The following STX18 variants were observed in gnomAD, a reference collection of about 807,000 sequenced individuals.
The protein encoded by STX18 is syntaxin-18.
STX18 carries 40 observed loss-of-function variants against 50.1 expected under a neutral mutation model. The observed-to-expected ratio is 0.80, with a 90% CI of 0.62 to 1.04. STX18 has a LOEUF of 1.04. Among genes scored for constraint, STX18 ranks in the 50% least tolerant of loss-of-function variants. The pLI, the probability that STX18 is intolerant of heterozygous loss-of-function variation, is 0.00. For synonymous variants in STX18, 158 were observed against 151.8 expected (o/e 1.04, Z -0.30); for missense variants, 410 against 415.8 (o/e 0.99, Z 0.12).
At chr4:4,472,200 T>C (rs2108836779) in intron 1 of STX18, among the ~76,000 whole-genome samples, 1 of 152,342 alleles carries the variant, frequency 6.6e-6, no homozygotes, top group African/African-American at 2.4e-5. Flanking sequence ...CTGTCTTTCC[T>C]ATGGGCTATT....
intron 5 of STX18, among the ~76,000 whole-genome samples, chr4:4,440,781 A>C (rs1410593185): frequency 6.6e-6 from 1 of 152,238 alleles, no homozygotes; most frequent in East Asian, 1.9e-4. Flanking sequence ...AGTCACTGTT[A>C]TCAATCTTTT....
chr4:4,477,058 C>A (rs940890349), intron 1 of STX18, among the ~76,000 whole-genome samples: 35 of 151,674 alleles, frequency 2.3e-4, no homozygotes, highest in Admixed American at 1.1e-3. Flanking sequence ...TTAAAAAAAA[C>A]CAAAAAACCA....
intron 1 of STX18, among the ~76,000 whole-genome samples, chr4:4,472,868 C>T (rs539964991): frequency 2.2e-4 from 34 of 152,312 alleles, no homozygotes; most frequent in South Asian, 1.7e-3. Flanking sequence ...AGTTTGGGTT[C>T]AGCTAAATTT....
intron 5 of STX18, among the ~76,000 whole-genome samples, chr4:4,447,105 A>C (rs1726450761): frequency 6.6e-6 from 1 of 152,214 alleles, no homozygotes; most frequent in Non-Finnish European, 1.5e-5. Flanking sequence ...ATGATTATTA[A>C]ATTTAGCATC....
intron 2 of STX18, among the ~76,000 whole-genome samples, chr4:4,467,763 A>C (rs1727693364): frequency 6.6e-6 from 1 of 151,678 alleles, no homozygotes; most frequent in African/African-American, 2.4e-5. Flanking sequence ...GTGGGAGGGT[A>C]GCTAGGGAGG....
intron 6 of STX18, 41 bp downstream of exon 6, chr4:4,438,353 A>C (rs773063903): frequency 6.8e-7 from 1 of 1,469,982 alleles, no homozygotes; most frequent in East Asian, 2.3e-5. Flanking sequence ...AACATGTCAC[A>C]AGGAAGAAAT....
At chr4:4,539,706 A>G (rs1420706091) in intron 1 of STX18, among the ~76,000 whole-genome samples, 2 of 152,198 alleles carry the variant, frequency 1.3e-5, no homozygotes, top group African/African-American at 4.8e-5. Flanking sequence ...AACATCTCTG[A>G]AAAGCAGTCA....
intron 1 of STX18, among the ~76,000 whole-genome samples, chr4:4,518,959 A>T (rs1042564166): frequency 6.6e-6 from 1 of 152,180 alleles, no homozygotes; most frequent in African/African-American, 2.4e-5. Flanking sequence ...AACAATTTAC[A>T]TGATGTTTTA....
chr4:4,460,308 C>T (rs921367348), intron 2 of STX18, among the ~76,000 whole-genome samples: 2 of 152,126 alleles, frequency 1.3e-5, no homozygotes, highest in East Asian at 1.9e-4. Context: ...ATGAACTGAA[C>T]CAATGAATGA....
chr4:4,500,791 T>A (rs994120613), intron 1 of STX18, among the ~76,000 whole-genome samples: 2 of 152,190 alleles, frequency 1.3e-5, no homozygotes, highest in African/African-American at 2.4e-5. Flanking sequence ...ATCCCAGCAC[T>A]TTGGGAGGCC....
intron 1 of STX18, among the ~76,000 whole-genome samples, chr4:4,528,186 G>C (rs1435814584): frequency 6.6e-6 from 1 of 151,998 alleles, no homozygotes; most frequent in East Asian, 1.9e-4. Context: ...TCTCCTGCTG[G>C]AGCCTCCCAT....
intron 5 of STX18, among the ~76,000 whole-genome samples, chr4:4,446,012 A>G (rs1039445411): frequency 6.6e-6 from 1 of 152,242 alleles, no homozygotes. Flanking sequence ...AGAGTCCAGA[A>G]ACAGACATAT....
intron 5 of STX18, 120 bp downstream of exon 5, chr4:4,457,071 G>T (rs1018584405): frequency 1.1e-6 from 1 of 908,552 alleles, no homozygotes; most frequent in Non-Finnish European, 1.7e-6. Flanking sequence ...GCCAGCTATG[G>T]CATTTTGCGA....
chr4:4,511,120 A>G (rs2108892339), intron 1 of STX18, among the ~76,000 whole-genome samples: 1 of 152,322 alleles, frequency 6.6e-6, no homozygotes, highest in Non-Finnish European at 1.5e-5. Context: ...ATGTATACCT[A>G]TGTAACAAAC....
At chr4:4,514,132 TAG>T (rs1476748820) in intron 1 of STX18, among the ~76,000 whole-genome samples, 1 of 152,188 alleles carries the variant, frequency 6.6e-6, no homozygotes, top group Non-Finnish European at 1.5e-5. Flanking sequence ...ACCTTGAAAG[TAG>T]TAAGTATTCA....
Position 4,541,846 on chromosome 4 carries a change from C to A in STX18, c.119G>T (p.Arg40Leu). 2 of 1,611,058 alleles carry A rather than the reference C, an allele frequency of 1.2e-6. No homozygotes were observed. The highest frequency in any genetic ancestry group is 1.7e-6 in the Non-Finnish European group (2 of 1,179,146). ...GTCGCCCTTGGGCCGGGGGCTCCGG[C>A]GGAACAGCTCGTCCCGGCTGCCATC... ...GVDGSRDELF[R>L]RSPRPKGDFS... The change falls in exon 1 of 11, where the codon CGC (arginine) becomes CTC (leucine). Residue 40 changes from arginine to leucine, a missense_variant. By Grantham distance (102) the Arg-to-Leu change is moderately radical. Transcript: ENST00000306200.
intron 2 of STX18, among the ~76,000 whole-genome samples, chr4:4,466,747 C>T (rs896842909): frequency 2.6e-5 from 4 of 152,194 alleles, no homozygotes; most frequent in Non-Finnish European, 2.9e-5. Flanking sequence ...ACAGGTTCAT[C>T]TTGCCCACCG....
intron 1 of STX18, among the ~76,000 whole-genome samples, chr4:4,514,455 T>C (rs1188664475): frequency 2.0e-5 from 3 of 152,236 alleles, no homozygotes; most frequent in Non-Finnish European, 4.4e-5. Context: ...AAGAGAGTTA[T>C]ATGTTATTTA....
chr4:4,419,892 G>A lies in STX18; in HGVS notation c.*142C>T, dbSNP rs35705307. On this transcript the variant is annotated 3_prime_UTR_variant, in exon 11 of 11. Coordinates refer to ENST00000306200, the MANE Select transcript of STX18 (RefSeq NM_016930.4). ...TGGGGTATCCCTTTTTGGGGAATAC[G>A]TCTGTCTGTCTGAACTCCTTTCCCT... 0.049 allele frequency: 34,308 copies of A among 696,442 alleles called. 1,032 individuals carry two copies. Among genetic ancestry groups the A allele is most frequent in the African/African-American group, 0.095 (5,300 of 56,076 alleles). The allele number at this position is 696,442 out of a possible 1,614,324, so 43.1% of individuals were successfully genotyped here.
Sources: gnomAD v4.1 joint callset for allele counts (sites outside exome capture counted in the v4.1 genomes callset) on GRCh38, gnomAD v4.1.1 for gene constraint, MANE v1.5 for transcripts, NCBI Gene and HGNC (gene_info 2026-07-23, HGNC 2026-07-21) for gene names.